EPS15L1: variants seen among roughly 807,000 people sequenced by gnomAD.
EPS15L1 encodes epidermal growth factor receptor substrate 15-like 1.
EPS15L1 carries 43 observed loss-of-function variants against 117.1 expected under a neutral mutation model. The ratio of observed to expected loss-of-function variants is 0.37; its 90% CI spans 0.29 to 0.47. The LOEUF (loss-of-function observed/expected upper bound fraction) is 0.47, where lower values mean the gene tolerates loss of function less well. EPS15L1 is among the 20% of genes least tolerant of loss of function. EPS15L1 has a pLI of 0.99. For missense variants in EPS15L1, 981 were observed against 1,164.0 expected, an observed-to-expected ratio of 0.84 and a Z score of 2.29; for synonymous variants, 459 against 470.5, an observed-to-expected ratio of 0.98 and a Z score of 0.32.
At chr19:16,437,127 A>G in intron 5 of EPS15L1, 128 bp from the exon 6 acceptor site, 1 of 742,916 alleles carries the variant, frequency 1.3e-6, no homozygotes, top group Non-Finnish European at 2.3e-6. Context: ...AGTTAAACAC[A>G]GAATCACCAC....
chr19:16,379,585 C>T (rs1020379308), intron 21 of EPS15L1, among the ~76,000 whole-genome samples: 1 of 152,270 alleles, frequency 6.6e-6, no homozygotes, highest in African/African-American at 2.4e-5. Context: ...AGCATCTAGT[C>T]ACACCGATGC....
At chr19:16,441,829 T>A in intron 3 of EPS15L1, 63 bp downstream of exon 3, 1 of 1,382,862 alleles carries the variant, frequency 7.2e-7, no homozygotes, top group Non-Finnish European at 1.0e-6. Flanking sequence ...AGGCTGGCCC[T>A]GACCTGCGGG....
intron 7 of EPS15L1, among the ~76,000 whole-genome samples, chr19:16,429,261 G>A (rs1405910565): frequency 2.6e-5 from 4 of 152,154 alleles, no homozygotes; most frequent in African/African-American, 4.8e-5. Flanking sequence ...CACTCAGTGC[G>A]CTGAAGAGAA....
chr19:16,452,452 A>C (rs2093154758), intron 1 of EPS15L1, among the ~76,000 whole-genome samples: 2 of 151,504 alleles, frequency 1.3e-5, no homozygotes, highest in African/African-American at 4.8e-5. Flanking sequence ...ATCTCGAAAA[A>C]AAAAAAAAAA....
intron 19 of EPS15L1, among the ~76,000 whole-genome samples, chr19:16,391,891 A>C (rs1386857078): frequency 6.6e-6 from 1 of 152,056 alleles, no homozygotes; most frequent in Non-Finnish European, 1.5e-5. Context: ...TGTGTGTTAC[A>C]AGGACCGTGC....
intron 21 of EPS15L1, 43 bp downstream of exon 21, chr19:16,385,084 CAA>C (rs774926392): frequency 1.4e-6 from 2 of 1,480,948 alleles, no homozygotes; most frequent in East Asian, 4.5e-5. Context: ...ACAAGAGGCA[CAA>C]AGACACTAGC....
chr19:16,368,528 C>T (rs1263527565), intron 22 of EPS15L1, among the ~76,000 whole-genome samples: 1 of 152,148 alleles, frequency 6.6e-6, no homozygotes, highest in East Asian at 1.9e-4. Flanking sequence ...CAGGTGATCC[C>T]ACACATCTCT....
chr19:16,471,128 C>T lies in EPS15L1; in HGVS notation c.33+785G>A, dbSNP rs2093343196. Reference sequence around the variant, plus strand: ...ACAGGTATTCAGCAAATAAAGGCAGCTGTGATTAGCATAACACAGGTAGTT... The same window carrying T: ...ACAGGTATTCAGCAAATAAAGGCAGTTGTGATTAGCATAACACAGGTAGTT... On this transcript the variant is annotated intron_variant, in intron 1 of 23. Coordinates refer to ENST00000455140, the MANE Select transcript of EPS15L1 (RefSeq NM_001258374.3). The surrounding 1 kb of genome is among the most constrained non-coding windows in gnomAD (Gnocchi z 4.8). 6.6e-6 allele frequency among the ~76,000 whole-genome samples: 1 copy of T among 152,184 alleles called. No individual in the cohort carries two copies. The highest frequency in any genetic ancestry group is 6.5e-5 in the Admixed American group (1 of 15,268).
In EPS15L1 at chr19:16,390,057, T is replaced by C. The variant is rs550710520; in HGVS notation, c.2103+2247A>G. ...CATTAAATGTTAATGGACTAAACATTACACTTACAAGGCAGGGACTTCTGA... is the reference window on the plus strand; with the variant it reads ...CATTAAATGTTAATGGACTAAACATCACACTTACAAGGCAGGGACTTCTGA... On this transcript the variant is annotated intron_variant, in intron 19 of 23. Transcript: ENST00000455140. Among the ~76,000 whole-genome samples, 13 of 152,090 alleles carry C rather than the reference T, an allele frequency of 8.5e-5. No homozygotes were observed. The East Asian group carries it at 2.3e-3, about 27-fold the overall frequency.
intron 21 of EPS15L1, among the ~76,000 whole-genome samples, chr19:16,378,966 C>T (rs979334620): frequency 2.6e-5 from 4 of 152,204 alleles, no homozygotes; most frequent in Admixed American, 1.3e-4. Context: ...GATAACACTG[C>T]GACAGGAAAC....
rs1214825257 is a variant in EPS15L1 at position 16,428,166 on chromosome 19, A to C, written c.558+536T>G. Among the ~76,000 whole-genome samples the C allele has an allele frequency of 2.8e-4, 42 of 148,536 alleles. No homozygotes were observed. The East Asian group carries it at 8.2e-3, about 29-fold the overall frequency. ...CAGTGAACCAAGATTACACCACTGC[A>C]CTCCAGCCTGTGTGACAGAGCAAGA... On this transcript the variant is annotated intron_variant, in intron 8 of 23. Transcript: ENST00000455140.
At chr19:16,407,532 G>T (rs145893503) in intron 13 of EPS15L1, among the ~76,000 whole-genome samples, 1 of 152,006 alleles carries the variant, frequency 6.6e-6, no homozygotes, top group Non-Finnish European at 1.5e-5. Flanking sequence ...CACCATGTTG[G>T]CCAGGCTGGT....
rs2092359981 is a variant in EPS15L1 at position 16,381,301 on chromosome 19, G to A, written c.2247+3828C>T. Among the ~76,000 whole-genome samples, 1 of 152,248 alleles carries A rather than the reference G, an allele frequency of 6.6e-6. No individual in the cohort carries two copies. The highest frequency in any genetic ancestry group is 2.1e-4 in the South Asian group (1 of 4,836). On this transcript the variant is annotated intron_variant, in intron 21 of 23. Coordinates refer to ENST00000455140, the MANE Select transcript of EPS15L1 (RefSeq NM_001258374.3). This position sits in a 1 kb window ranked among gnomAD's most constrained non-coding sequence, Gnocchi z 4.2. ...TGCCCACATCACACAGCAGGTCCACGGCGGATCCAGGGCTGCCACATCGTC... is the reference window on the plus strand; with the variant it reads ...TGCCCACATCACACAGCAGGTCCACAGCGGATCCAGGGCTGCCACATCGTC...
intron 6 of EPS15L1, chr19:16,435,444 A>G (rs1472835121): frequency 6.6e-6 from 1 of 152,182 alleles, no homozygotes; most frequent in East Asian, 1.9e-4. Context: ...TCCACCCTCC[A>G]AAGGAAACTT....
At chr19:16,416,981 C>T (rs995948530) in intron 12 of EPS15L1, among the ~76,000 whole-genome samples, 7 of 152,232 alleles carry the variant, frequency 4.6e-5, no homozygotes, top group African/African-American at 1.7e-4. Flanking sequence ...GAGGCCCCTT[C>T]ACACCTTCAG....
At chr19:16,458,688 TCA>T (rs573558501) in intron 1 of EPS15L1, among the ~76,000 whole-genome samples, 7 of 151,724 alleles carry the variant, frequency 4.6e-5, no homozygotes, top group East Asian at 1.9e-4. Context: ...ACACACTCAC[TCA>T]CACACACTCA....
intron 23 of EPS15L1, among the ~76,000 whole-genome samples, chr19:16,361,315 A>G (rs1398625900): frequency 6.6e-6 from 1 of 152,038 alleles, no homozygotes; most frequent in East Asian, 1.9e-4. Flanking sequence ...AAGTCCTTCA[A>G]TTTGCACTTG....
chr19:16,361,370 A>G (rs1205191709), intron 23 of EPS15L1, among the ~76,000 whole-genome samples: 1 of 152,156 alleles, frequency 6.6e-6, no homozygotes, highest in Non-Finnish European at 1.5e-5. Context: ...TTGTGCACAA[A>G]GGGCTTTTTG....
chr19:16,392,275 T>C (rs1203412885), intron 19 of EPS15L1, 29 bp downstream of exon 19: 3 of 1,613,240 alleles, frequency 1.9e-6, no homozygotes, highest in Non-Finnish European at 2.5e-6. Flanking sequence ...GGCACGCAGC[T>C]CTCCCGGGCA....
Sources: allele counts gnomAD v4.1 joint callset (sites outside exome capture counted in the v4.1 genomes callset), GRCh38; gene constraint gnomAD v4.1.1; non-coding constraint Gnocchi (gnomAD v3.1); transcripts MANE v1.5; gene names NCBI Gene and HGNC (gene_info 2026-07-23, HGNC 2026-07-21).